The following PARP11 variants were observed in gnomAD, a reference collection of about 807,000 sequenced individuals.
PARP11 encodes protein mono-ADP-ribosyltransferase PARP11.
Under a neutral mutation model 42.9 loss-of-function variants are expected in PARP11, and 31 were observed. The observed-to-expected ratio is 0.72, with a 90% CI of 0.54 to 0.98. The LOEUF (loss-of-function observed/expected upper bound fraction) is 0.98, where lower values mean the gene tolerates loss of function less well. Among genes scored for constraint, PARP11 ranks in the 50% least tolerant of loss-of-function variants. PARP11 has a pLI of 0.00. For synonymous variants in PARP11, 137 were observed against 127.3 expected, an observed-to-expected ratio of 1.08 and a Z score of -0.51; for missense variants, 365 against 413.1, an observed-to-expected ratio of 0.88 and a Z score of 1.01.
chr12:3,811,880 C>T lies in PARP11; in HGVS notation c.*243G>A, dbSNP rs1947184210. 4.3e-6 allele frequency: 2 copies of T among 460,774 alleles called. No homozygotes were observed. Among genetic ancestry groups the T allele is most frequent in the Non-Finnish European group, 3.8e-6 (1 of 263,266 alleles). 28.5% of individuals were successfully genotyped at this position (460,774 alleles called of 1,614,324 possible). ...ATTCCATTTTGAATGGTATCTTTCA[C>T]CCCTATGTGTTAAAACATCAATGAT... On this transcript the variant is annotated 3_prime_UTR_variant, in exon 8 of 8. Coordinates refer to ENST00000228820, the MANE Select transcript of PARP11 (RefSeq NM_020367.6).
At chr12:3,851,783 TCCA>T (rs1948099339) in intron 1 of PARP11, among the ~76,000 whole-genome samples, 2 of 152,164 alleles carry the variant, frequency 1.3e-5, no homozygotes, top group Admixed American at 6.5e-5. Flanking sequence ...GTGTTTGAGC[TCCA>T]AGAATGGACA....
intron 1 of PARP11, among the ~76,000 whole-genome samples, chr12:3,846,772 GAAAAGAA>G (rs1261634921): frequency 5.1e-4 from 62 of 120,652 alleles, no homozygotes; most frequent in African/African-American, 1.8e-3. Flanking sequence ...AAAAAAAAAA[GAAAAGAA>G]AAAAGAAATA....
At chr12:3,859,863 T>C (rs1310942188) in intron 1 of PARP11, among the ~76,000 whole-genome samples, 1 of 152,150 alleles carries the variant, frequency 6.6e-6, no homozygotes, top group Admixed American at 6.5e-5. Flanking sequence ...GTAGGGTCAT[T>C]TTATCATGAT....
chr12:3,871,359 T>C (rs540884768), intron 1 of PARP11, among the ~76,000 whole-genome samples: 2 of 152,352 alleles, frequency 1.3e-5, no homozygotes, highest in African/African-American at 4.8e-5. Context: ...CCAAAGATTG[T>C]TAACACTTTA....
intron 7 of PARP11, 82 bp downstream of exon 7, chr12:3,813,955 G>T: frequency 9.5e-7 from 1 of 1,057,812 alleles, no homozygotes; most frequent in Non-Finnish European, 1.3e-6. Context: ...CCATAAAGCA[G>T]TTCATATTTA....
At position 3,845,233 on chromosome 12, in the gene PARP11, G is replaced by C. The variant is rs1236393171; in HGVS notation, c.19-15215C>G. ...ATGTCTCCTTGGCAGCAGGATGCTG[G>C]CATCTGTGTAGTCCTCATACTGTTT... On this transcript the variant is annotated intron_variant, in intron 1 of 7. Transcript: ENST00000228820. Among the ~76,000 whole-genome samples, 4 of 152,156 alleles carry C rather than the reference G, an allele frequency of 2.6e-5. No individual in the cohort carries two copies. In the East Asian group the frequency reaches 7.7e-4, roughly 29 times the overall value.
intron 6 of PARP11, among the ~76,000 whole-genome samples, chr12:3,820,821 C>G (rs987998860): frequency 6.6e-6 from 1 of 152,082 alleles, no homozygotes; most frequent in Non-Finnish European, 1.5e-5. Context: ...GTTGGTTTGG[C>G]CAATAGACCC....
intron 1 of PARP11, among the ~76,000 whole-genome samples, chr12:3,870,020 C>G (rs1225776696): frequency 1.1e-4 from 17 of 152,168 alleles, no homozygotes; most frequent in African/African-American, 4.1e-4. Flanking sequence ...AGCACAATGG[C>G]ATGAGATTTT....
intron 1 of PARP11, among the ~76,000 whole-genome samples, chr12:3,863,112 A>C (rs1389098825): frequency 6.6e-6 from 1 of 152,164 alleles, no homozygotes; most frequent in East Asian, 1.9e-4. Context: ...GGCTTATTTC[A>C]TATTTTTGAT....
intron 1 of PARP11, among the ~76,000 whole-genome samples, chr12:3,843,681 G>A (rs964325132): frequency 2.0e-5 from 3 of 152,204 alleles, no homozygotes; most frequent in African/African-American, 4.8e-5. Context: ...AGTCTTTGCA[G>A]TATTCACTAG....
chr12:3,872,125 T>C (rs1346652816), intron 1 of PARP11, among the ~76,000 whole-genome samples: 10 of 152,076 alleles, frequency 6.6e-5, no homozygotes. Flanking sequence ...ACCTTCCTCC[T>C]CCGTAGGAGG....
chr12:3,836,119 C>A (rs1947756349), intron 1 of PARP11, among the ~76,000 whole-genome samples: 1 of 151,078 alleles, frequency 6.6e-6, no homozygotes, highest in South Asian at 2.1e-4. Flanking sequence ...CAATAAATTC[C>A]AAAAGGGAAA....
chr12:3,873,161 C>T, intron 1 of PARP11, 51 bp downstream of exon 1: 1 of 1,434,860 alleles, frequency 7.0e-7, no homozygotes, highest in Non-Finnish European at 9.6e-7. Flanking sequence ...TCCCGCCCCT[C>T]TCTCATCAAC....
intron 1 of PARP11, among the ~76,000 whole-genome samples, chr12:3,866,267 A>C (rs888592844): frequency 2.0e-5 from 3 of 152,052 alleles, no homozygotes; most frequent in Admixed American, 6.6e-5. Context: ...CTATGACATG[A>C]CACTCTCCAG....
At chr12:3,834,985 CA>C (rs1341489115) in intron 1 of PARP11, among the ~76,000 whole-genome samples, 1 of 152,158 alleles carries the variant, frequency 6.6e-6, no homozygotes, top group Non-Finnish European at 1.5e-5. Context: ...TACTCTGACC[CA>C]GGGGTAATTC....
intron 1 of PARP11, among the ~76,000 whole-genome samples, chr12:3,863,624 A>G (rs940117771): frequency 2.0e-5 from 3 of 152,232 alleles, no homozygotes; most frequent in African/African-American, 7.2e-5. Flanking sequence ...AGCAAAGGGG[A>G]AACGCACATG....
chr12:3,818,036 A>G (rs1385466192), intron 6 of PARP11, among the ~76,000 whole-genome samples: 1 of 152,200 alleles, frequency 6.6e-6, no homozygotes, highest in Non-Finnish European at 1.5e-5. Flanking sequence ...CCAGCTCTGG[A>G]TCAATCCAAC....
At chr12:3,825,201 C>A (rs546937135) in intron 4 of PARP11, among the ~76,000 whole-genome samples, 2 of 151,994 alleles carry the variant, frequency 1.3e-5, no homozygotes, top group African/African-American at 4.8e-5. Context: ...AGGAGACATG[C>A]TTTAAGATTT....
chr12:3,834,488 G>A (rs1947715871), intron 1 of PARP11, among the ~76,000 whole-genome samples: 1 of 151,872 alleles, frequency 6.6e-6, no homozygotes, highest in Non-Finnish European at 1.5e-5. Flanking sequence ...CAAAACATTA[G>A]CCAGGTGTGG....
Sources: allele counts gnomAD v4.1 joint callset (sites outside exome capture counted in the v4.1 genomes callset), GRCh38; gene constraint gnomAD v4.1.1; transcripts MANE v1.5; gene names NCBI Gene and HGNC (gene_info 2026-07-23, HGNC 2026-07-21).